NIBAN1: variants seen among roughly 807,000 people sequenced by gnomAD.
The protein encoded by NIBAN1 is protein Niban 1.
Under a neutral mutation model 75.1 loss-of-function variants are expected in NIBAN1, and 81 were observed. The ratio of observed to expected loss-of-function variants is 1.08; its 90% CI spans 0.90 to 1.30. The LOEUF (loss-of-function observed/expected upper bound fraction) is 1.30. NIBAN1 is among the 50% of genes most tolerant of loss of function. The pLI is 0.00. For synonymous variants in NIBAN1, 436 were observed against 424.8 expected (o/e 1.03, Z -0.32); for missense variants, 1,133 against 1,128.1 (o/e 1.00, Z -0.06).
intron 5 of NIBAN1, among the ~76,000 whole-genome samples, chr1:184,836,010 T>C (rs1197491072): frequency 6.6e-6 from 1 of 152,238 alleles, no homozygotes; most frequent in South Asian, 2.1e-4. Flanking sequence ...TATTTTGAGA[T>C]ATGAAGAATC....
At chr1:184,825,081 T>C (rs1047706118) in intron 6 of NIBAN1, among the ~76,000 whole-genome samples, 1 of 152,226 alleles carries the variant, frequency 6.6e-6, no homozygotes, top group Non-Finnish European at 1.5e-5. Context: ...GACCTTCCAG[T>C]GACCCCTATT....
At chr1:184,823,841 G>A in intron 6 of NIBAN1, 99 bp from the exon 7 acceptor site, 1 of 934,548 alleles carries the variant, frequency 1.1e-6, no homozygotes, top group Non-Finnish European at 1.7e-6. Flanking sequence ...CCCTGTCCCG[G>A]ACCAGATGAA....
intron 1 of NIBAN1, among the ~76,000 whole-genome samples, chr1:184,909,212 C>G (rs1030991650): frequency 6.6e-6 from 1 of 152,182 alleles, no homozygotes; most frequent in African/African-American, 2.4e-5. Flanking sequence ...TTAAAATAAG[C>G]CAGGCCACAA....
At chr1:184,804,450 T>C (rs1319795840) in intron 11 of NIBAN1, among the ~76,000 whole-genome samples, 1 of 152,174 alleles carries the variant, frequency 6.6e-6, no homozygotes, top group Non-Finnish European at 1.5e-5. Flanking sequence ...TGGTGAGAAC[T>C]TTGGCCTAAC....
chr1:184,929,585 A>G (rs1381578290), intron 1 of NIBAN1, among the ~76,000 whole-genome samples: 1 of 152,188 alleles, frequency 6.6e-6, no homozygotes, highest in Non-Finnish European at 1.5e-5. Flanking sequence ...CCTCCAAAAA[A>G]GAAGATATAT....
intron 1 of NIBAN1, among the ~76,000 whole-genome samples, chr1:184,967,647 A>G (rs1200785503): frequency 6.6e-6 from 1 of 152,236 alleles, no homozygotes; most frequent in Non-Finnish European, 1.5e-5. Context: ...GTAAAAGATA[A>G]TAAAAATTAC....
intron 3 of NIBAN1, among the ~76,000 whole-genome samples, chr1:184,890,992 C>T (rs1302671454): frequency 6.6e-6 from 1 of 152,104 alleles, no homozygotes; most frequent in Non-Finnish European, 1.5e-5. Context: ...AATCTAAAGG[C>T]AAGTTGAGAA....
chr1:184,949,783 A>G (rs1210631429), intron 1 of NIBAN1, among the ~76,000 whole-genome samples: 2 of 152,220 alleles, frequency 1.3e-5, no homozygotes, highest in Non-Finnish European at 2.9e-5. Flanking sequence ...TAAGGGGCAC[A>G]TAATCAAGTG....
At chr1:184,841,675 T>C (rs569015373) in intron 5 of NIBAN1, among the ~76,000 whole-genome samples, 1 of 152,322 alleles carries the variant, frequency 6.6e-6, no homozygotes, top group South Asian at 2.1e-4. Context: ...ATTTAGAGTG[T>C]GGCAGATTTT....
intron 9 of NIBAN1, among the ~76,000 whole-genome samples, chr1:184,816,294 T>A (rs1453826589): frequency 6.6e-6 from 1 of 152,292 alleles, no homozygotes; most frequent in Middle Eastern, 3.4e-3. Context: ...CATGTAGCCA[T>A]CTCTAGGATG....
intron 1 of NIBAN1, among the ~76,000 whole-genome samples, chr1:184,917,001 T>C (rs1657401274): frequency 6.6e-6 from 1 of 152,112 alleles, no homozygotes; most frequent in Non-Finnish European, 1.5e-5. Flanking sequence ...AAATCTTTCT[T>C]CAAAATCTGC....
intron 1 of NIBAN1, among the ~76,000 whole-genome samples, chr1:184,912,092 A>C (rs1657256388): frequency 6.6e-6 from 1 of 152,150 alleles, no homozygotes; most frequent in Non-Finnish European, 1.5e-5. Context: ...TTCAAGCTTA[A>C]TTCTACCTAT....
chr1:184,938,457 G>A (rs1337958976), intron 1 of NIBAN1, among the ~76,000 whole-genome samples: 1 of 149,468 alleles, frequency 6.7e-6, no homozygotes, highest in African/African-American at 2.5e-5. Context: ...TTCTTTTTTT[G>A]TCTCCCTTTC....
chr1:184,959,723 G>A (rs1658580651), intron 1 of NIBAN1, among the ~76,000 whole-genome samples: 1 of 152,176 alleles, frequency 6.6e-6, no homozygotes. Context: ...TATTAGAGCA[G>A]GTCCAGAGCA....
At chr1:184,859,131 T>C (rs1655750671) in intron 5 of NIBAN1, among the ~76,000 whole-genome samples, 1 of 151,998 alleles carries the variant, frequency 6.6e-6, no homozygotes, top group Admixed American at 6.6e-5. Context: ...ACATTTATGA[T>C]ATGATCCAAT....
At chr1:184,966,520 T>C (rs1658788876) in intron 1 of NIBAN1, among the ~76,000 whole-genome samples, 1 of 152,126 alleles carries the variant, frequency 6.6e-6, no homozygotes, top group Non-Finnish European at 1.5e-5. Flanking sequence ...AATAAATACC[T>C]GTTTTAAGAG....
intron 3 of NIBAN1, among the ~76,000 whole-genome samples, chr1:184,891,226 C>G (rs970471008): frequency 1.3e-5 from 2 of 152,158 alleles, no homozygotes; most frequent in African/African-American, 4.8e-5. Context: ...CCCACTAACA[C>G]AGAATTCTGG....
chr1:184,968,325 A>G (rs983820851), intron 1 of NIBAN1, among the ~76,000 whole-genome samples: 4 of 152,248 alleles, frequency 2.6e-5, no homozygotes, highest in African/African-American at 7.2e-5. Context: ...CAATTCACAA[A>G]GACCAAAGGA....
rs749102793 is a variant in NIBAN1, at chr1:184,884,666, G to A, written c.568C>T (p.Leu190Phe). Residue 190 changes from leucine (L) to phenylalanine (F), a missense_variant, in exon 5 of 14, where the codon CTC becomes TTC. Coordinates refer to ENST00000367511, the MANE Select transcript of NIBAN1 (RefSeq NM_052966.4). ...EAADQKRFSA[L>F]LSDCVRHLNH... is the part of the protein sequence containing the mutation. Reference sequence around the variant, plus strand: ...AGATGCCTGACGCAGTCACTCAGGAGGGCACTAAACCTCTTCTGGTCAGCA... The same window carrying A: ...AGATGCCTGACGCAGTCACTCAGGAAGGCACTAAACCTCTTCTGGTCAGCA... The A allele has an allele frequency of 7.4e-6, 12 of 1,614,166 alleles. No homozygotes were observed. In the East Asian group the frequency reaches 2.0e-4, roughly 27 times the overall value.
Sources: gnomAD v4.1 joint callset for allele counts (sites outside exome capture counted in the v4.1 genomes callset) on GRCh38, gnomAD v4.1.1 for gene constraint, MANE v1.5 for transcripts, NCBI Gene and HGNC (gene_info 2026-07-23, HGNC 2026-07-21) for gene names.